The following IGSF23 variants were observed in gnomAD, a reference collection of about 807,000 sequenced individuals.
The protein encoded by IGSF23 is immunoglobulin superfamily member 23.
In IGSF23, 14 loss-of-function variants were observed where a neutral mutation model predicts 17.8. That is an observed-to-expected ratio of 0.79 (90% CI 0.52 to 1.23). The LOEUF is 1.23. Ranked by LOEUF, IGSF23 falls within the 50% of genes most tolerant of loss-of-function variation. IGSF23 has a pLI of 0.00. For missense variants in IGSF23, 214 were observed against 241.7 expected (o/e 0.89, Z 0.76); for synonymous variants, 85 against 92.5 (o/e 0.92, Z 0.46).
Position 44,616,473 on chromosome 19 carries a change from G to A in IGSF23, c.125+2703G>A, listed in dbSNP as rs548697863. On this transcript the variant is annotated intron_variant, in intron 1 of 4. Transcript: ENST00000402988. ...AGCACTTTGGGAGGCCCAGGCAGGCGGATCACAAGGTCAGGAGATTGAGAC... is the reference window on the plus strand; with the variant it reads ...AGCACTTTGGGAGGCCCAGGCAGGCAGATCACAAGGTCAGGAGATTGAGAC... Among the ~76,000 whole-genome samples, 9 of 152,066 alleles carry A rather than the reference G, an allele frequency of 5.9e-5. No homozygotes were observed. The South Asian group carries it at 1.5e-3, about 25-fold the overall frequency.
intron 3 of IGSF23, among the ~76,000 whole-genome samples, chr19:44,634,784 G>T (rs893150945): frequency 7.2e-6 from 1 of 139,264 alleles, no homozygotes; most frequent in Non-Finnish European, 1.5e-5. Context: ...CTGGGCAACA[G>T]AACCAGACTG....
intron 3 of IGSF23, among the ~76,000 whole-genome samples, chr19:44,630,027 GGAGA>G (rs1972733191): frequency 6.6e-6 from 1 of 152,112 alleles, no homozygotes; most frequent in Non-Finnish European, 1.5e-5. Flanking sequence ...GCCCACAGCT[GGAGA>G]GAAAGGATTC....
In IGSF23 at chr19:44,621,038, T is replaced by C. The variant is rs1393705409; in HGVS notation, c.126-2669T>C. Among the ~76,000 whole-genome samples the C allele has an allele frequency of 3.3e-5, 5 of 151,994 alleles. No individual in the cohort carries two copies. In the East Asian group the frequency reaches 9.7e-4, roughly 29 times the overall value. The stretch of plus-strand genomic sequence containing the variant: ...GGCTCACACCTGTAATCCCAGCAGT[T>C]TGGGAGGCCGAGGTGAGAGGATTGC... On this transcript the variant is annotated intron_variant, in intron 1 of 4. Transcript: ENST00000402988.
chr19:44,627,427 C>T lies in IGSF23; in HGVS notation c.399C>T (p.Ile133=). 1.3e-6 allele frequency: 2 copies of T among 1,538,260 alleles called. No individual in the cohort carries two copies. The highest frequency in any genetic ancestry group is 1.8e-6 in the Non-Finnish European group (2 of 1,138,018). ...EPVTISLPKP[I]MQPTEAEPME... ...CCCCTCCTTGGTCCCCAGAACCCAT[C>T]ATGCAGCCCACAGAAGCAGAGCCCA... Residue 133 remains isoleucine, a synonymous_variant, in exon 3 of 5, where the codon ATC becomes ATT. Transcript: ENST00000402988.
At chr19:44,634,379 ATTC>A (rs895415343) in intron 3 of IGSF23, among the ~76,000 whole-genome samples, 1 of 152,148 alleles carries the variant, frequency 6.6e-6, no homozygotes, top group African/African-American at 2.4e-5. Flanking sequence ...TTATTTCTAC[ATTC>A]TTTTTTAGTA....
chr19:44,622,544 C>G (rs1351029009), intron 1 of IGSF23, among the ~76,000 whole-genome samples: 1 of 152,138 alleles, frequency 6.6e-6, no homozygotes. Context: ...GGGTCACCTC[C>G]TCGCTGGGCT....
At chr19:44,635,368 CTCTCTCTG>C (rs1568492461) in intron 3 of IGSF23, 25 bp from the exon 4 acceptor site, 2 of 1,323,266 alleles carry the variant, frequency 1.5e-6, no homozygotes, top group Admixed American at 2.2e-5. Context: ...CTCTCTCTCT[CTCTCTCTG>C]TCTCTCTCTC....
rs947356262 is a variant in IGSF23, at chr19:44,635,295, T to C, written c.546-106T>C. ...TCCAAATATAGTCACATTGGAGGGT[T>C]AGGACTACATATTAATTTGGGGAAC... On this transcript the variant is annotated intron_variant, in intron 3 of 4. Coordinates refer to ENST00000402988, the MANE Select transcript of IGSF23 (RefSeq NM_001205280.2). 3 of 859,128 alleles carry C rather than the reference T, an allele frequency of 3.5e-6. No homozygotes were observed. The African/African-American group carries it at 5.0e-5, about 14-fold the overall frequency. 53.2% of individuals were successfully genotyped at this position (859,128 alleles called of 1,614,324 possible).
chr19:44,623,047 C>A (rs1373939904), intron 1 of IGSF23, among the ~76,000 whole-genome samples: 6 of 152,162 alleles, frequency 3.9e-5, no homozygotes, highest in Non-Finnish European at 5.9e-5. Flanking sequence ...TTGACCCTCT[C>A]CTCACTCAAT....
intron 4 of IGSF23, 116 bp downstream of exon 4, chr19:44,635,581 G>C: frequency 1.4e-6 from 1 of 712,326 alleles, no homozygotes; most frequent in South Asian, 1.8e-5. Flanking sequence ...TTGTCTGTGA[G>C]ATGTTCCCCT....
intron 1 of IGSF23, among the ~76,000 whole-genome samples, chr19:44,614,199 G>A (rs933438039): frequency 7.2e-5 from 11 of 152,216 alleles, no homozygotes; most frequent in East Asian, 3.9e-4. Flanking sequence ...GAAGTGAGGC[G>A]CAAAGAGGAG....
At chr19:44,623,554 G>A (rs1972566998) in intron 1 of IGSF23, 153 bp from the exon 2 acceptor site, 3 of 814,216 alleles carry the variant, frequency 3.7e-6, no homozygotes, top group Non-Finnish European at 5.8e-6. Context: ...GGGGCACTGG[G>A]CACAGACCAG....
chr19:44,635,713 T>C (rs560373438), intron 4 of IGSF23, among the ~76,000 whole-genome samples: 1 of 152,260 alleles, frequency 6.6e-6, no homozygotes, highest in South Asian at 2.1e-4. Context: ...ATAAACCTCT[T>C]GGGCTCCATG....
intron 4 of IGSF23, among the ~76,000 whole-genome samples, chr19:44,636,041 A>C (rs1972882627): frequency 6.6e-6 from 1 of 152,046 alleles, no homozygotes; most frequent in Non-Finnish European, 1.5e-5. Context: ...CCTCTCCTTC[A>C]TGTTGTCTCT....
At position 44,613,587 on chromosome 19, in the gene IGSF23, T is replaced by C. The variant is rs549225349; in HGVS notation, c.-59T>C. The C allele has an allele frequency of 1.3e-6, 2 of 1,487,232 alleles. No homozygotes were observed. The highest frequency in any genetic ancestry group is 2.5e-5 in the East Asian group (1 of 40,126). The allele number at this position is 1,487,232 out of a possible 1,614,324, so 92.1% of individuals were successfully genotyped here. On this transcript the variant is annotated 5_prime_UTR_variant, in exon 1 of 5. Coordinates refer to ENST00000402988, the MANE Select transcript of IGSF23 (RefSeq NM_001205280.2). ...CATTCCTTGCCTTTGATGTGAGTGA[T>C]AGGAGCGGGCGATTCTGCTTCTCCC...
At chr19:44,621,083 A>T (rs2123717873) in intron 1 of IGSF23, among the ~76,000 whole-genome samples, 1 of 152,124 alleles carries the variant, frequency 6.6e-6, no homozygotes, top group East Asian at 1.9e-4. Context: ...GAAGTTCGAG[A>T]CCAGCCTGGG....
chr19:44,633,398 C>T (rs1972812766), intron 3 of IGSF23, among the ~76,000 whole-genome samples: 1 of 152,216 alleles, frequency 6.6e-6, no homozygotes, highest in Non-Finnish European at 1.5e-5. Context: ...TTTCTAGTCT[C>T]ATGCTAGGGA....
At chr19:44,619,668 G>A (rs145122147) in intron 1 of IGSF23, among the ~76,000 whole-genome samples, 7 of 152,038 alleles carry the variant, frequency 4.6e-5, no homozygotes, top group African/African-American at 1.4e-4. Flanking sequence ...TTTGACTTGC[G>A]GAAGGGTGCC....
intron 3 of IGSF23, among the ~76,000 whole-genome samples, chr19:44,631,413 C>T (rs972101645): frequency 6.6e-6 from 1 of 152,054 alleles, no homozygotes; most frequent in Non-Finnish European, 1.5e-5. Flanking sequence ...CATGGTAAAA[C>T]CCCATCTCTA....
Sources: gnomAD v4.1 joint callset for allele counts (sites outside exome capture counted in the v4.1 genomes callset) on GRCh38, gnomAD v4.1.1 for gene constraint, MANE v1.5 for transcripts, NCBI Gene and HGNC (gene_info 2026-07-23, HGNC 2026-07-21) for gene names.